CAP2: variants seen among roughly 807,000 people sequenced by gnomAD.
CAP2 encodes adenylyl cyclase-associated protein 2.
In CAP2, 24 loss-of-function variants were observed where a neutral mutation model predicts 57.7. That is an observed-to-expected ratio of 0.42 (90% CI 0.30 to 0.58). The LOEUF (loss-of-function observed/expected upper bound fraction) is 0.58, where lower values mean the gene tolerates loss of function less well. Among genes scored for constraint, CAP2 ranks in the 20% least tolerant of loss-of-function variants. The probability of loss-of-function intolerance (pLI) is 0.22; values close to 1 mark genes in which losing one functional copy is unlikely to be tolerated. For synonymous variants in CAP2, 194 were observed against 207.2 expected (o/e 0.94, Z 0.55); for missense variants, 501 against 590.3 (o/e 0.85, Z 1.57).
At chr6:17,401,757 A>G (rs1198333007) in intron 1 of CAP2, among the ~76,000 whole-genome samples, 1 of 151,870 alleles carries the variant, frequency 6.6e-6, no homozygotes, top group Non-Finnish European at 1.5e-5. Flanking sequence ...CTCCATTTGA[A>G]TTTCTTCTCT....
chr6:17,536,266 T>A (rs1295955249), intron 7 of CAP2: 7 of 456,590 alleles, frequency 1.5e-5, no homozygotes, highest in Non-Finnish European at 3.1e-5. Flanking sequence ...CAAAGATAAG[T>A]GACTTTGCAA....
At chr6:17,424,793 A>G (rs953287299) in intron 2 of CAP2, among the ~76,000 whole-genome samples, 1 of 152,210 alleles carries the variant, frequency 6.6e-6, no homozygotes, top group Non-Finnish European at 1.5e-5. Context: ...ATTGGAAAAT[A>G]TTCCCTTTTA....
chr6:17,474,790 A>C (rs1000248528), intron 4 of CAP2, among the ~76,000 whole-genome samples: 4 of 152,138 alleles, frequency 2.6e-5, no homozygotes, highest in Non-Finnish European at 5.9e-5. Flanking sequence ...TTTAGAGTTG[A>C]TATCTCTTTG....
chr6:17,438,998 C>A (rs1485162962), intron 3 of CAP2, among the ~76,000 whole-genome samples: 2 of 150,462 alleles, frequency 1.3e-5, no homozygotes, highest in African/African-American at 5.0e-5. Context: ...GTAATCCCAG[C>A]TACTTGGGAG....
intron 3 of CAP2, among the ~76,000 whole-genome samples, chr6:17,453,612 T>A (rs1236764829): frequency 6.6e-6 from 1 of 152,180 alleles, no homozygotes; most frequent in South Asian, 2.1e-4. Context: ...CAGCAGAGGA[T>A]ACAGAAGAAG....
At chr6:17,444,589 C>T (rs1000057237) in intron 3 of CAP2, among the ~76,000 whole-genome samples, 5 of 142,346 alleles carry the variant, frequency 3.5e-5, no homozygotes, top group African/African-American at 1.3e-4. Flanking sequence ...TGCAGTGAGC[C>T]GAGATCGCGC....
intron 4 of CAP2, among the ~76,000 whole-genome samples, chr6:17,491,697 T>A (rs1761545402): frequency 6.6e-6 from 1 of 152,204 alleles, no homozygotes; most frequent in Non-Finnish European, 1.5e-5. Flanking sequence ...TGGGTCCAAA[T>A]CTCAGTTCTA....
chr6:17,529,119 T>C (rs1033497892), intron 7 of CAP2, among the ~76,000 whole-genome samples: 1 of 152,202 alleles, frequency 6.6e-6, no homozygotes, highest in Non-Finnish European at 1.5e-5. Flanking sequence ...AGTCATAAAT[T>C]CAATTCAGTT....
intron 3 of CAP2, among the ~76,000 whole-genome samples, chr6:17,447,050 T>A (rs1240802930): frequency 6.6e-6 from 1 of 151,982 alleles, no homozygotes; most frequent in East Asian, 1.9e-4. Flanking sequence ...AGAGGCAGAG[T>A]CTCCCTCTGT....
chr6:17,523,018 G>A (rs1561814984), intron 7 of CAP2, among the ~76,000 whole-genome samples: 1 of 152,154 alleles, frequency 6.6e-6, no homozygotes, highest in Non-Finnish European at 1.5e-5. Flanking sequence ...ACAGGTGTGA[G>A]CCACCGTACC....
intron 3 of CAP2, among the ~76,000 whole-genome samples, chr6:17,435,225 T>A (rs1482287054): frequency 3.1e-5 from 3 of 98,158 alleles, no homozygotes; most frequent in South Asian, 8.2e-4. Context: ...TAAAGACACA[T>A]GCACACGTAT....
At chr6:17,436,717 C>G (rs1759900449) in intron 3 of CAP2, among the ~76,000 whole-genome samples, 1 of 152,022 alleles carries the variant, frequency 6.6e-6, no homozygotes, top group Non-Finnish European at 1.5e-5. Flanking sequence ...TGACTGAACC[C>G]AGTGAGAATC....
intron 3 of CAP2, among the ~76,000 whole-genome samples, chr6:17,431,322 T>C (rs747066935): frequency 6.6e-6 from 1 of 151,906 alleles, no homozygotes; most frequent in African/African-American, 2.4e-5. Flanking sequence ...AAAAAAGATA[T>C]CGTTAAAAAA....
chr6:17,513,921 A>C lies in CAP2; in HGVS notation c.603A>C (p.Glu201Asp). 1 of 1,613,434 alleles carries C rather than the reference A, an allele frequency of 6.2e-7. No individual in the cohort carries two copies. Among genetic ancestry groups the C allele is most frequent in the Non-Finnish European group, 8.5e-7 (1 of 1,179,330 alleles). ...IWSELQAYIK[E>D]HHTTGLTWSK... Reference sequence around the variant, plus strand: ...GTGAACTTCAAGCATACATCAAGGAACACCACACCACGGGCCTCACATGGA... The same window carrying C: ...GTGAACTTCAAGCATACATCAAGGACCACCACACCACGGGCCTCACATGGA... Residue 201 changes from glutamate (E) to aspartate (D), a missense_variant, in exon 7 of 13, where the codon GAA becomes GAC. Glu to Asp is a conservative substitution (Grantham distance 45, BLOSUM62 2). Transcript: ENST00000229922. The surrounding 1 kb of genome is among the most constrained non-coding windows in gnomAD (Gnocchi z 4.3).
At position 17,513,723 on chromosome 6, in the gene CAP2, T is replaced by C. The variant is rs4716146; in HGVS notation, c.531-126T>C. ...TCTGAAGCCCTTCACGGTGCCTGGG[T>C]TGCAAGGACGATTGCTCCGGGCTCC... On this transcript the variant is annotated intron_variant, in intron 6 of 12. Transcript: ENST00000229922. This position sits in a 1 kb window ranked among gnomAD's most constrained non-coding sequence, Gnocchi z 4.3. 472,683 of 666,288 alleles carry C rather than the reference T, an allele frequency of 0.71. 168,413 individuals are homozygous for C. The highest frequency in any genetic ancestry group is 0.74 in the East Asian group (27,480 of 36,894). 41.3% of individuals were successfully genotyped at this position (666,288 alleles called of 1,614,324 possible). A position where few individuals can be genotyped will look rare whatever the true frequency, so the allele number is the denominator to read the frequency against.
intron 4 of CAP2, among the ~76,000 whole-genome samples, chr6:17,488,159 C>T (rs994050336): frequency 2.6e-5 from 4 of 152,156 alleles, no homozygotes; most frequent in Admixed American, 2.0e-4. Context: ...CCTCCCACCT[C>T]GGCCTTCCAA....
intron 1 of CAP2, among the ~76,000 whole-genome samples, chr6:17,399,276 T>TGGTCTTG: frequency 6.6e-6 from 1 of 152,280 alleles, no homozygotes; most frequent in East Asian, 1.9e-4. Flanking sequence ...TTGGCCAGGC[T>TGGTCTTG]GGTCTTGAAC....
chr6:17,487,690 C>T (rs946105385), intron 4 of CAP2, among the ~76,000 whole-genome samples: 1 of 152,144 alleles, frequency 6.6e-6, no homozygotes, highest in Admixed American at 6.5e-5. Flanking sequence ...AGGCTGGTCT[C>T]GAACTTCTGG....
chr6:17,521,728 T>C (rs185023474), intron 7 of CAP2, among the ~76,000 whole-genome samples: 31 of 152,134 alleles, frequency 2.0e-4, no homozygotes, highest in African/African-American at 7.5e-4. Context: ...GACGCTTGCA[T>C]AGACCAGGAC....
Sources: gnomAD v4.1 joint callset for allele counts (sites outside exome capture counted in the v4.1 genomes callset) on GRCh38, gnomAD v4.1.1 for gene constraint, Gnocchi (gnomAD v3.1) non-coding constraint, MANE v1.5 for transcripts, NCBI Gene and HGNC (gene_info 2026-07-23, HGNC 2026-07-21) for gene names.